The following PCDHGB3 variants were observed in gnomAD, a reference collection of about 807,000 sequenced individuals.
The protein encoded by PCDHGB3 is protocadherin gamma-B3.
A neutral mutation model predicts 59.2 loss-of-function variants in PCDHGB3; 40 were observed. The observed-to-expected ratio is 0.68, with a 90% confidence interval of 0.52 to 0.88. The LOEUF (loss-of-function observed/expected upper bound fraction) is 0.88. Among genes scored for constraint, PCDHGB3 ranks in the 40% least tolerant of loss-of-function variants. The pLI, the probability that PCDHGB3 is intolerant of heterozygous loss-of-function variation, is 0.00. For synonymous variants in PCDHGB3, 581 were observed against 503.6 expected (o/e 1.15, Z -2.06); for missense variants, 1,309 against 1,187.9 (o/e 1.10, Z -1.50).
rs1421246315 is a variant in PCDHGB3 at position 141,491,880 on chromosome 5, G to A, written c.2416-2927G>A. The A allele has an allele frequency of 1.1e-5, 16 of 1,449,714 alleles. No homozygotes were observed. The highest frequency in any genetic ancestry group is 1.5e-5 in the Non-Finnish European group (16 of 1,096,892). 89.8% of individuals were successfully genotyped at this position (1,449,714 alleles called of 1,614,324 possible). A position where few individuals can be genotyped will look rare whatever the true frequency, so the allele number is the denominator to read the frequency against. ...GCGAAACCAGAGTGGCCGATTAAGGGATGGGGCTCCGAGCACCGGGGGTGG... is the reference window on the plus strand; with the variant it reads ...GCGAAACCAGAGTGGCCGATTAAGGAATGGGGCTCCGAGCACCGGGGGTGG... On this transcript the variant is annotated intron_variant, in intron 1 of 3. Coordinates refer to ENST00000576222, the MANE Select transcript of PCDHGB3 (RefSeq NM_018924.5). The surrounding 1 kb of genome is among the most constrained non-coding windows in gnomAD (Gnocchi z 6.9).
At position 141,432,651 on chromosome 5, in the gene PCDHGB3, C is replaced by A; in HGVS notation, c.2415+59842C>A. 2.5e-6 allele frequency: 4 copies of A among 1,613,824 alleles called. No individual in the cohort carries two copies. The highest frequency in any genetic ancestry group is 1.1e-5 in the South Asian group (1 of 91,058). ...ACGGGCGAGGTGCGCACGGCGCGAG[C>A]CCTGCTGGACAGAGACGCGCTCAAG... On this transcript the variant is annotated intron_variant, in intron 1 of 3. Coordinates refer to ENST00000576222, the MANE Select transcript of PCDHGB3 (RefSeq NM_018924.5). This position sits in a 1 kb window ranked among gnomAD's most constrained non-coding sequence, Gnocchi z 6.0.
rs758099753 is a variant in PCDHGB3, at chr5:141,432,129, A to G, written c.2415+59320A>G. The G allele has an allele frequency of 5.6e-6, 9 of 1,614,054 alleles. No homozygotes were observed. The highest frequency in any genetic ancestry group is 5.5e-5 in the South Asian group (5 of 91,056). On this transcript the variant is annotated intron_variant, in intron 1 of 3. Transcript: ENST00000576222. The surrounding 1 kb of genome is among the most constrained non-coding windows in gnomAD (Gnocchi z 6.0). Reference sequence around the variant, plus strand: ...CCGCCGGTCTTCCCTCAGGCCTCCTATTCCGCTTATATCCCAGAGAACAAT... The same window carrying G: ...CCGCCGGTCTTCCCTCAGGCCTCCTGTTCCGCTTATATCCCAGAGAACAAT...
In PCDHGB3 at chr5:141,370,973, G is replaced by T. The variant is rs763236238; in HGVS notation, c.579G>T (p.Glu193Asp). ...ACCTGGATGGCAGTAGGTACCCAGA[G>T]CTAGTACTGAAAGCACCCCTGGACA... is the stretch of plus-strand genomic sequence containing the variant. ...KENLDGSRYP[E>D]LVLKAPLDRE... The change falls in exon 1 of 4, where the codon GAG (glutamate) becomes GAT (aspartate). Residue 193 changes from glutamate (E) to aspartate (D), a missense_variant. Glu to Asp is a conservative substitution (Grantham distance 45). Coordinates refer to ENST00000576222, the MANE Select transcript of PCDHGB3 (RefSeq NM_018924.5). 9.3e-6 allele frequency: 15 copies of T among 1,614,010 alleles called. No individual in the cohort carries two copies. Among genetic ancestry groups the T allele is most frequent in the Admixed American group, 1.7e-5 (1 of 60,024 alleles).
intron 3 of PCDHGB3, among the ~76,000 whole-genome samples, chr5:141,510,657 G>A (rs1388054630): frequency 6.6e-6 from 1 of 152,156 alleles, no homozygotes; most frequent in Non-Finnish European, 1.5e-5. Context: ...CCATTTTGCA[G>A]ATGAGAAAAC....
Position 141,477,447 on chromosome 5 carries a change from G to C in PCDHGB3, c.2416-17360G>C, listed in dbSNP as rs779097830. On this transcript the variant is annotated intron_variant, in intron 1 of 3. Coordinates refer to ENST00000576222, the MANE Select transcript of PCDHGB3 (RefSeq NM_018924.5). The surrounding 1 kb of genome is among the most constrained non-coding windows in gnomAD (Gnocchi z 4.9). ...TCCCTCTCAGCCCTTACAATAGTGCGTGTTCAAGTGTCCGACATCAATGAC... is the reference window on the plus strand; with the variant it reads ...TCCCTCTCAGCCCTTACAATAGTGCCTGTTCAAGTGTCCGACATCAATGAC... The C allele has an allele frequency of 1.6e-5, 26 of 1,614,098 alleles. No individual in the cohort carries two copies. Among genetic ancestry groups the C allele is most frequent in the Non-Finnish European group, 2.2e-5 (26 of 1,180,016 alleles).
intron 1 of PCDHGB3, among the ~76,000 whole-genome samples, chr5:141,438,609 T>TATAC (rs2098013849): frequency 2.4e-5 from 1 of 41,118 alleles, no homozygotes; most frequent in Non-Finnish European, 3.9e-5. Context: ...TATATATATA[T>TATAC]ATATATATAT....
intron 1 of PCDHGB3, chr5:141,393,785 G>A (rs753963995): frequency 6.2e-7 from 1 of 1,613,922 alleles, no homozygotes; most frequent in Non-Finnish European, 8.5e-7. Context: ...CCGAAGATGT[G>A]GGGGCACTTC....
chr5:141,484,219 C>T (rs766309865), intron 1 of PCDHGB3, among the ~76,000 whole-genome samples: 1 of 152,162 alleles, frequency 6.6e-6, no homozygotes, highest in Non-Finnish European at 1.5e-5. Context: ...TAGCATTCTG[C>T]CAGGTAAAGA....
At chr5:141,500,930 G>A (rs1300719832) in intron 2 of PCDHGB3, among the ~76,000 whole-genome samples, 4 of 151,824 alleles carry the variant, frequency 2.6e-5, no homozygotes, top group Admixed American at 6.6e-5. Context: ...GTGCAGTGGC[G>A]CCATCTCGGC....
chr5:141,410,222 G>A, intron 1 of PCDHGB3: 2 of 1,614,018 alleles, frequency 1.2e-6, no homozygotes, highest in South Asian at 2.2e-5. Flanking sequence ...GATACTGCCA[G>A]ACCTCAGCGA....
intron 1 of PCDHGB3, among the ~76,000 whole-genome samples, chr5:141,474,770 G>A (rs1221980722): frequency 6.6e-6 from 1 of 152,204 alleles, no homozygotes; most frequent in African/African-American, 2.4e-5. Context: ...GAAATAGTAT[G>A]AGGCTCTAAC....
At chr5:141,395,138 C>A (rs147992300) in intron 1 of PCDHGB3, 1 of 1,614,204 alleles carries the variant, frequency 6.2e-7, no homozygotes, top group African/African-American at 1.3e-5. Flanking sequence ...AGCCCAACTA[C>A]GCAGACATGC....
At chr5:141,422,705 C>T (rs371027437) in intron 1 of PCDHGB3, 2 of 1,602,706 alleles carry the variant, frequency 1.2e-6, no homozygotes, top group South Asian at 1.1e-5. Context: ...TACTCTCTGA[C>T]GGATGACACT....
Position 141,489,434 on chromosome 5 carries a change from A to G in PCDHGB3, c.2416-5373A>G. On this transcript the variant is annotated intron_variant, in intron 1 of 3. Transcript: ENST00000576222. This position sits in a 1 kb window ranked among gnomAD's most constrained non-coding sequence, Gnocchi z 4.5. ...ACAGATCTGTTGAGCCGGCGGCTGC[A>G]ATTGGGCTCTGAGGAGAATGGGCGC... 6.2e-7 allele frequency: 1 copy of G among 1,614,138 alleles called. No individual in the cohort carries two copies. The highest frequency in any genetic ancestry group is 8.5e-7 in the Non-Finnish European group (1 of 1,180,044).
chr5:141,433,062 T>G (rs1371087184), intron 1 of PCDHGB3: 1 of 1,614,074 alleles, frequency 6.2e-7, no homozygotes, highest in Non-Finnish European at 8.5e-7. Context: ...AAGAGTCACC[T>G]GATCTTCCCC....
intron 1 of PCDHGB3, chr5:141,378,088 T>C (rs1218204650): frequency 6.6e-6 from 1 of 152,252 alleles, no homozygotes; most frequent in Non-Finnish European, 1.5e-5. Flanking sequence ...TTATAACTTT[T>C]TTTCAAACTC....
chr5:141,428,055 G>C (rs1232516220), intron 1 of PCDHGB3: 8 of 1,608,952 alleles, frequency 5.0e-6, no homozygotes, highest in African/African-American at 1.3e-5. Context: ...CAAGGTGGTG[G>C]CGGTGGACGC....
At chr5:141,492,382 T>C (rs71583650) in intron 1 of PCDHGB3, among the ~76,000 whole-genome samples, 2,103 of 152,322 alleles carry the variant, frequency 0.014, 36 homozygotes, top group African/African-American at 0.031. Flanking sequence ...ACAGGCCTGT[T>C]CCGGTCCACT....
intron 1 of PCDHGB3, chr5:141,377,686 C>T (rs766172227): frequency 1.1e-4 from 16 of 151,986 alleles, no homozygotes; most frequent in African/African-American, 2.9e-4. Context: ...AGATCTTTCA[C>T]CTTTACTACT....
Sources: gnomAD v4.1 joint callset for allele counts (sites outside exome capture counted in the v4.1 genomes callset) on GRCh38, gnomAD v4.1.1 for gene constraint, Gnocchi (gnomAD v3.1) non-coding constraint, MANE v1.5 for transcripts, NCBI Gene and HGNC (gene_info 2026-07-23, HGNC 2026-07-21) for gene names.